PCSK2: variants seen among roughly 807,000 people sequenced by gnomAD.
PCSK2 encodes neuroendocrine convertase 2.
In PCSK2, 14 loss-of-function variants were observed where a neutral mutation model predicts 69.7. The ratio of observed to expected loss-of-function variants is 0.20; its 90% confidence interval spans 0.13 to 0.31. The LOEUF (loss-of-function observed/expected upper bound fraction) is 0.31. Ranked by LOEUF, PCSK2 falls within the 10% of genes least tolerant of loss-of-function variation. The probability of loss-of-function intolerance (pLI) is 1.00; values close to 1 mark genes in which losing one functional copy is unlikely to be tolerated. For missense variants in PCSK2, 544 were observed against 842.5 expected, an observed-to-expected ratio of 0.65 and a Z score of 4.39; for synonymous variants, 307 against 320.7, an observed-to-expected ratio of 0.96 and a Z score of 0.46.
intron 2 of PCSK2, among the ~76,000 whole-genome samples, chr20:17,288,090 T>G (rs938280033): frequency 2.0e-5 from 3 of 152,138 alleles, no homozygotes; most frequent in Non-Finnish European, 2.9e-5. Context: ...CCTTCCCCAC[T>G]TCCCATTCTA....
intron 2 of PCSK2, among the ~76,000 whole-genome samples, chr20:17,323,776 A>G (rs1447941509): frequency 1.3e-5 from 2 of 152,234 alleles, no homozygotes; most frequent in African/African-American, 4.8e-5. Context: ...TTTTGTTTAT[A>G]AGATATAAAA....
At chr20:17,298,290 A>G (rs1474860934) in intron 2 of PCSK2, among the ~76,000 whole-genome samples, 3 of 152,172 alleles carry the variant, frequency 2.0e-5, no homozygotes, top group Non-Finnish European at 4.4e-5. Flanking sequence ...ACCCTCCTCC[A>G]CAGTCTACAT....
rs764758207 is a variant in PCSK2, at chr20:17,436,890, G to A, written c.885+7G>A. 6.3e-7 allele frequency: 1 copy of A among 1,598,288 alleles called. No homozygotes were observed. Among genetic ancestry groups the A allele is most frequent in the South Asian group, 1.1e-5 (1 of 89,180 alleles). ...GGCCGATGGCGTGAACAAGGTAAGG[G>A]GGCCGGCCCCCTAGGCCCCGGCCAC... On this transcript the variant is annotated splice_region_variant and intron_variant, in intron 8 of 11. Transcript: ENST00000262545.
intron 2 of PCSK2, among the ~76,000 whole-genome samples, chr20:17,335,427 T>TTG (rs56275148): frequency 0.014 from 1,907 of 139,256 alleles, 37 homozygotes; most frequent in African/African-American, 0.044. Context: ...CAGCATCACT[T>TTG]TGTGTGTGTG....
At chr20:17,328,033 A>G (rs1038531671) in intron 2 of PCSK2, among the ~76,000 whole-genome samples, 2 of 152,176 alleles carry the variant, frequency 1.3e-5, no homozygotes, top group African/African-American at 4.8e-5. Context: ...CAATCCCACC[A>G]TGAAATGAAA....
At chr20:17,293,866 T>C (rs1008447420) in intron 2 of PCSK2, among the ~76,000 whole-genome samples, 1 of 152,148 alleles carries the variant, frequency 6.6e-6, no homozygotes, top group Non-Finnish European at 1.5e-5. Flanking sequence ...CTTTACAGTT[T>C]AAATGGCAAA....
intron 5 of PCSK2, among the ~76,000 whole-genome samples, chr20:17,402,100 G>A (rs955682814): frequency 2.0e-5 from 3 of 152,154 alleles, no homozygotes; most frequent in Admixed American, 6.5e-5. Context: ...GATACCCTCC[G>A]GAGGTGTCTG....
chr20:17,469,139 C>T (rs1161621397), intron 11 of PCSK2, among the ~76,000 whole-genome samples: 1 of 152,228 alleles, frequency 6.6e-6, no homozygotes, highest in African/African-American at 2.4e-5. Flanking sequence ...TGTGTCCACA[C>T]ATCATTTCTG....
In PCSK2 at chr20:17,329,434, G is replaced by A. The variant is rs955874355; in HGVS notation, c.283-28893G>A. On this transcript the variant is annotated intron_variant, in intron 2 of 11. Coordinates refer to ENST00000262545, the MANE Select transcript of PCSK2 (RefSeq NM_002594.5). ...TGAAAATGTTCCCAATTATTCAGAA[G>A]CAAGATCATTTTATATAGAGTTCTA... Among the ~76,000 whole-genome samples, 10 of 152,262 alleles carry A rather than the reference G, an allele frequency of 6.6e-5. No individual in the cohort carries two copies. The South Asian group carries it at 2.1e-3, about 32-fold the overall frequency.
chr20:17,315,386 G>A (rs1568599371), intron 2 of PCSK2, among the ~76,000 whole-genome samples: 1 of 152,140 alleles, frequency 6.6e-6, no homozygotes, highest in Non-Finnish European at 1.5e-5. Context: ...GAGGTGACCC[G>A]TGAGCTTGGT....
At position 17,431,090 on chromosome 20, in the gene PCSK2, C is replaced by A. The variant is rs554564991; in HGVS notation, c.709+1567C>A. On this transcript the variant is annotated intron_variant, in intron 7 of 11. Transcript: ENST00000262545. ...CAAAACCTGAGACAAGGATTCCGGG[C>A]AAGCAGTTAATGTGGGAGGTGGTCC... Among the ~76,000 whole-genome samples the A allele has an allele frequency of 7.2e-5, 11 of 152,208 alleles. No individual in the cohort carries two copies. In the South Asian group the frequency reaches 2.3e-3, roughly 32 times the overall value.
Position 17,310,996 on chromosome 20 carries a change from C to T in PCSK2, c.283-47331C>T, listed in dbSNP as rs1450868554. ...CAGCCTGGGCTACAGAGCAAGACTC[C>T]GTCTCAAAAAAAAAAAAAAAAATCA... On this transcript the variant is annotated intron_variant, in intron 2 of 11. Transcript: ENST00000262545. Among the ~76,000 whole-genome samples, 4 of 95,942 alleles carry T rather than the reference C, an allele frequency of 4.2e-5. No homozygotes were observed. In the East Asian group the frequency reaches 1.3e-3, roughly 32 times the overall value. The allele number at this position is 95,942 out of a possible 152,430, so 62.9% of individuals were successfully genotyped here.
At chr20:17,282,840 G>A (rs532607294) in intron 2 of PCSK2, among the ~76,000 whole-genome samples, 6 of 152,224 alleles carry the variant, frequency 3.9e-5, no homozygotes, top group African/African-American at 1.4e-4. Context: ...AACACAGGCT[G>A]GGGAGAATGA....
intron 2 of PCSK2, among the ~76,000 whole-genome samples, chr20:17,287,803 G>A (rs1322837574): frequency 6.6e-6 from 1 of 152,210 alleles, no homozygotes; most frequent in Non-Finnish European, 1.5e-5. Flanking sequence ...GGCCTGGGGA[G>A]CCTTCCTAAG....
At chr20:17,363,290 A>C (rs1193728482) in intron 4 of PCSK2, among the ~76,000 whole-genome samples, 1 of 152,172 alleles carries the variant, frequency 6.6e-6, no homozygotes, top group Non-Finnish European at 1.5e-5. Flanking sequence ...CCAGTGACTC[A>C]ATGGATGCTC....
chr20:17,399,898 A>G (rs2031596571), intron 5 of PCSK2, among the ~76,000 whole-genome samples: 1 of 152,308 alleles, frequency 6.6e-6, no homozygotes, highest in South Asian at 2.1e-4. Context: ...TCCTATTTCT[A>G]TAAGGAACAA....
At chr20:17,394,749 G>T (rs1437066732) in intron 5 of PCSK2, among the ~76,000 whole-genome samples, 3 of 152,160 alleles carry the variant, frequency 2.0e-5, no homozygotes, top group African/African-American at 7.2e-5. Flanking sequence ...GTAGATTTTG[G>T]TGTTTCATAT....
At chr20:17,239,450 T>C (rs568496350) in intron 1 of PCSK2, among the ~76,000 whole-genome samples, 44 of 148,418 alleles carry the variant, frequency 3.0e-4, no homozygotes, top group African/African-American at 1.1e-3. Context: ...AGCAGCACTT[T>C]AGGCAGAGGA....
chr20:17,378,371 G>A (rs1257096828), intron 5 of PCSK2, among the ~76,000 whole-genome samples: 1 of 152,124 alleles, frequency 6.6e-6, no homozygotes, highest in Non-Finnish European at 1.5e-5. Flanking sequence ...CCACCTAGAA[G>A]CCTAGACTTA....
Sources: gnomAD v4.1 joint callset for allele counts (sites outside exome capture counted in the v4.1 genomes callset) on GRCh38, gnomAD v4.1.1 for gene constraint, MANE v1.5 for transcripts, NCBI Gene and HGNC (gene_info 2026-07-23, HGNC 2026-07-21) for gene names.